Variants in MMP16 observed in about 807,000 individuals in gnomAD.
The protein encoded by MMP16 is matrix metalloproteinase-16.
In MMP16, 12 loss-of-function variants were observed where a neutral mutation model predicts 67.8. The observed-to-expected ratio is 0.18, with a 90% CI of 0.11 to 0.29. The LOEUF (loss-of-function observed/expected upper bound fraction) is 0.29, where lower values mean the gene tolerates loss of function less well. Ranked by LOEUF, MMP16 falls within the 10% of genes least tolerant of loss-of-function variation. MMP16 has a pLI of 1.00. For missense variants in MMP16, 475 were observed against 765.7 expected (o/e 0.62, Z 4.48); for synonymous variants, 249 against 255.9 (o/e 0.97, Z 0.26).
rs183122909 is a variant in MMP16 at position 88,163,222 on chromosome 8, G to A, written c.709+4447C>T. Among the ~76,000 whole-genome samples the A allele has an allele frequency of 1.0e-3, 157 of 152,138 alleles. 1 individual carries two copies. The highest frequency in any genetic ancestry group is 2.2e-4 in the Non-Finnish European group (15 of 67,994). The stretch of plus-strand genomic sequence containing the variant: ...TCCAAGGTCAGCTTAAGTCCTGTCC[G>A]TTGACTCAAGTATCACACCATGAAC... On this transcript the variant is annotated intron_variant, in intron 4 of 9. Coordinates refer to ENST00000286614, the MANE Select transcript of MMP16 (RefSeq NM_005941.5).
intron 4 of MMP16, among the ~76,000 whole-genome samples, chr8:88,166,672 A>T (rs1808715989): frequency 8.8e-6 from 1 of 113,272 alleles, no homozygotes; most frequent in Non-Finnish European, 1.8e-5. Flanking sequence ...GACAAAAGAG[A>T]AGGAGCAAAA....
At chr8:88,264,576 C>T (rs1312717220) in intron 1 of MMP16, among the ~76,000 whole-genome samples, 1 of 152,136 alleles carries the variant, frequency 6.6e-6, no homozygotes, top group Non-Finnish European at 1.5e-5. Flanking sequence ...TGGGTAAACC[C>T]TATAGAGTAT....
intron 1 of MMP16, among the ~76,000 whole-genome samples, chr8:88,323,417 A>G (rs774855524): frequency 2.1e-4 from 32 of 152,296 alleles, no homozygotes; most frequent in Admixed American, 4.6e-4. Context: ...AATTTAGGAA[A>G]TAGTTATACT....
chr8:88,219,999 A>G (rs1046698720), intron 1 of MMP16, among the ~76,000 whole-genome samples: 6 of 152,132 alleles, frequency 3.9e-5, no homozygotes, highest in Admixed American at 1.3e-4. Context: ...AATAATTATC[A>G]ATACATTCAC....
At chr8:88,057,505 C>G (rs1808346429) in intron 7 of MMP16, among the ~76,000 whole-genome samples, 1 of 152,144 alleles carries the variant, frequency 6.6e-6, no homozygotes, top group African/African-American at 2.4e-5. Flanking sequence ...TCTTGGATCT[C>G]TAGCACCTCC....
chr8:88,251,298 T>C (rs1442231419), intron 1 of MMP16, among the ~76,000 whole-genome samples: 2 of 151,628 alleles, frequency 1.3e-5, no homozygotes, highest in Non-Finnish European at 2.9e-5. Context: ...AACAGAGATA[T>C]AGATCAATGG....
At chr8:88,191,408 A>G (rs1323725245) in intron 2 of MMP16, among the ~76,000 whole-genome samples, 1 of 152,208 alleles carries the variant, frequency 6.6e-6, no homozygotes, top group Non-Finnish European at 1.5e-5. Context: ...TTATTAACTT[A>G]CAATTCTAAT....
At chr8:88,245,175 T>C (rs924487091) in intron 1 of MMP16, among the ~76,000 whole-genome samples, 1 of 152,212 alleles carries the variant, frequency 6.6e-6, no homozygotes, top group Non-Finnish European at 1.5e-5. Context: ...TACGCGAATA[T>C]TGGAATTGAA....
intron 6 of MMP16, among the ~76,000 whole-genome samples, chr8:88,099,331 T>A (rs1168050007): frequency 6.6e-6 from 1 of 151,798 alleles, no homozygotes; most frequent in African/African-American, 2.4e-5. Context: ...AACTTTACAG[T>A]CTAGAACCTT....
intron 1 of MMP16, among the ~76,000 whole-genome samples, chr8:88,199,172 T>A (rs1809302065): frequency 6.6e-6 from 1 of 152,028 alleles, no homozygotes; most frequent in African/African-American, 2.4e-5. Context: ...ATTATGTTTA[T>A]GAGGAAAGCA....
At chr8:88,111,339 A>T (rs1452824658) in intron 6 of MMP16, among the ~76,000 whole-genome samples, 2 of 151,758 alleles carry the variant, frequency 1.3e-5, no homozygotes, top group African/African-American at 4.8e-5. Flanking sequence ...GTGAAACGAC[A>T]GTCTGGACAG....
rs563281764 is a variant in MMP16 at position 88,251,105 on chromosome 8, A to G, written c.133-53799T>C. ...ATCCATGTCCCTACAAAGGACATGAACTCATCATTTTTTATGGCTGCATAG... is the reference window on the plus strand; with the variant it reads ...ATCCATGTCCCTACAAAGGACATGAGCTCATCATTTTTTATGGCTGCATAG... On this transcript the variant is annotated intron_variant, in intron 1 of 9. Transcript: ENST00000286614. 2.2e-3 allele frequency among the ~76,000 whole-genome samples: 327 copies of G among 151,952 alleles called. 3 individuals carry two copies. Among genetic ancestry groups the G allele is most frequent in the South Asian group, 0.011 (55 of 4,804 alleles).
At chr8:88,171,488 T>C (rs1808803026) in intron 3 of MMP16, among the ~76,000 whole-genome samples, 1 of 152,188 alleles carries the variant, frequency 6.6e-6, no homozygotes, top group Non-Finnish European at 1.5e-5. Context: ...GAAAGGAAGG[T>C]GTATTTTCAA....
intron 4 of MMP16, among the ~76,000 whole-genome samples, chr8:88,120,342 T>A (rs780548118): frequency 6.6e-6 from 1 of 151,966 alleles, no homozygotes; most frequent in African/African-American, 2.4e-5. Flanking sequence ...GAAGCTATAT[T>A]CATTTTTAGA....
intron 1 of MMP16, among the ~76,000 whole-genome samples, chr8:88,253,039 T>C (rs1026754963): frequency 2.0e-5 from 3 of 152,126 alleles, no homozygotes; most frequent in African/African-American, 7.2e-5. Context: ...AAACTGTTGC[T>C]CTCTTAATTA....
At chr8:88,142,869 G>T (rs1406709609) in intron 4 of MMP16, among the ~76,000 whole-genome samples, 17 of 152,048 alleles carry the variant, frequency 1.1e-4, no homozygotes, top group Admixed American at 9.2e-4. Context: ...AAATACAGAA[G>T]AATTAATTCT....
Position 88,073,262 on chromosome 8 carries a change from G to A in MMP16, c.1222+1343C>T, listed in dbSNP as rs140928059. Among the ~76,000 whole-genome samples, 1,060 of 152,238 alleles carry A rather than the reference G, an allele frequency of 7.0e-3. 11 individuals are homozygous for A. The highest frequency in any genetic ancestry group is 0.024 in the African/African-American group (1,015 of 41,556). Reference sequence around the variant, plus strand: ...TTTGTCCACTGTGGTGCGGTGCACCGCCACTTTTTTATATGCTTATTATAG... The same window carrying A: ...TTTGTCCACTGTGGTGCGGTGCACCACCACTTTTTTATATGCTTATTATAG... On this transcript the variant is annotated intron_variant, in intron 7 of 9. Transcript: ENST00000286614.
intron 1 of MMP16, among the ~76,000 whole-genome samples, chr8:88,295,806 G>A (rs995862056): frequency 1.3e-5 from 2 of 152,116 alleles, no homozygotes; most frequent in African/African-American, 4.8e-5. Flanking sequence ...GATTATAAGT[G>A]AAGCACAGAT....
At chr8:88,132,937 C>T (rs1383777324) in intron 4 of MMP16, among the ~76,000 whole-genome samples, 1 of 151,838 alleles carries the variant, frequency 6.6e-6, no homozygotes, top group East Asian at 1.9e-4. Context: ...AGTCTTCCAT[C>T]TAAGTTTTTC....
Sources: gnomAD v4.1 joint callset for allele counts (sites outside exome capture counted in the v4.1 genomes callset) on GRCh38, gnomAD v4.1.1 for gene constraint, MANE v1.5 for transcripts, NCBI Gene and HGNC (gene_info 2026-07-23, HGNC 2026-07-21) for gene names.